Variants in TYW1B observed in about 807,000 individuals in gnomAD.
TYW1B encodes the protein S-adenosyl-L-methionine-dependent tRNA 4-demethylwyosine synthase TYW1B.
A neutral mutation model predicts 86.9 loss-of-function variants in TYW1B; 73 were observed. The ratio of observed to expected loss-of-function variants is 0.84; its 90% CI spans 0.70 to 1.02. TYW1B has a LOEUF of 1.02. TYW1B is among the 50% of genes least tolerant of loss of function. The probability of loss-of-function intolerance (pLI) is 0.00; values close to 1 mark genes in which losing one functional copy is unlikely to be tolerated. For synonymous variants in TYW1B, 248 were observed against 292.8 expected, an observed-to-expected ratio of 0.85 and a Z score of 1.56; for missense variants, 637 against 827.4, an observed-to-expected ratio of 0.77 and a Z score of 2.82.
At chr7:72,827,778 G>A (rs1586015840) in intron 1 of TYW1B, among the ~76,000 whole-genome samples, 1 of 152,050 alleles carries the variant, frequency 6.6e-6, no homozygotes, top group African/African-American at 2.4e-5. Flanking sequence ...CAACCTGGCA[G>A]CAATTTCAAA....
intron 4 of TYW1B, among the ~76,000 whole-genome samples, chr7:72,809,075 C>A: frequency 6.8e-6 from 1 of 146,264 alleles, no homozygotes. Flanking sequence ...TGGAGTCTCA[C>A]TCTGTCGCCC....
chr7:72,674,050 A>G (rs1554446871), intron 11 of TYW1B, among the ~76,000 whole-genome samples: 1 of 152,102 alleles, frequency 6.6e-6, no homozygotes, highest in East Asian at 1.9e-4. Context: ...CCCTGTGGGC[A>G]TCATACAGAT....
chr7:72,611,228 T>C (rs1393127076), intron 13 of TYW1B, among the ~76,000 whole-genome samples: 8 of 152,226 alleles, frequency 5.3e-5, no homozygotes, highest in Admixed American at 5.2e-4. Context: ...CATTCCATTC[T>C]TCCATCATAG....
chr7:72,748,929 A>C (rs4103729), intron 7 of TYW1B, among the ~76,000 whole-genome samples: 103,317 of 150,268 alleles, frequency 0.69, 36,456 homozygotes, highest in Non-Finnish European at 0.77. Flanking sequence ...TATCAGGTTA[A>C]TATTGGCCTC....
At chr7:72,580,358 C>T (rs782427607) in intron 13 of TYW1B, among the ~76,000 whole-genome samples, 1 of 152,140 alleles carries the variant, frequency 6.6e-6, no homozygotes, top group Non-Finnish European at 1.5e-5. Context: ...AACCCCAAAT[C>T]GTAAAATCTG....
rs1812512584 is a variant in TYW1B, at chr7:72,632,285, G to GTATATATGTATATATATATATTATA, written c.1507-3289_1507-3288insTATAATATATATATATACATATATA. ...AAAAAATATATATATATATATACGTGTATATATATATATACGTGTATATAT... is the reference window on the plus strand; with the variant it reads ...AAAAAATATATATATATATATACGTGTATATATGTATATATATATATTATATATATATATATATACGTGTATATAT... On this transcript the variant is annotated intron_variant, in intron 11 of 13. Transcript: ENST00000620995. 3.5e-4 allele frequency among the ~76,000 whole-genome samples: 29 copies of GTATATATGTATATATATATATTATA among 83,546 alleles called. 1 individual carries two copies. Among genetic ancestry groups the GTATATATGTATATATATATATTATA allele is most frequent in the African/African-American group, 1.9e-3 (26 of 13,838 alleles). 54.8% of individuals were successfully genotyped at this position (83,546 alleles called of 152,430 possible).
At chr7:72,718,136 T>C (rs1429369379) in intron 9 of TYW1B, among the ~76,000 whole-genome samples, 2 of 152,150 alleles carry the variant, frequency 1.3e-5, no homozygotes, top group East Asian at 3.9e-4. Context: ...TGGAATACTA[T>C]GCAGCCATAA....
chr7:72,631,783 T>C (rs1554439816), intron 11 of TYW1B, among the ~76,000 whole-genome samples: 1 of 152,018 alleles, frequency 6.6e-6, no homozygotes, highest in African/African-American at 2.4e-5. Flanking sequence ...GATACAGTAG[T>C]GAGTTAAATG....
chr7:72,589,325 A>G (rs782349232), intron 13 of TYW1B, among the ~76,000 whole-genome samples: 1 of 152,246 alleles, frequency 6.6e-6, no homozygotes, highest in Non-Finnish European at 1.5e-5. Flanking sequence ...GTGATGAAAG[A>G]CACTAGAAGA....
chr7:72,688,413 A>G (rs1334252690), intron 11 of TYW1B, among the ~76,000 whole-genome samples: 9 of 152,242 alleles, frequency 5.9e-5, no homozygotes, highest in Non-Finnish European at 1.2e-4. Context: ...ACACTGCACC[A>G]TACTTTCTTT....
intron 11 of TYW1B, among the ~76,000 whole-genome samples, chr7:72,646,873 TTGAG>T (rs1384772056): frequency 2.6e-5 from 4 of 151,856 alleles, no homozygotes; most frequent in Non-Finnish European, 5.9e-5. Flanking sequence ...CTCTCTCCTC[TTGAG>T]TATTATAAAA....
At chr7:72,681,126 AG>A (rs1164169385) in intron 11 of TYW1B, among the ~76,000 whole-genome samples, 1 of 152,204 alleles carries the variant, frequency 6.6e-6, no homozygotes, top group Admixed American at 6.6e-5. Flanking sequence ...TGGCAGAGCC[AG>A]TATCCAAACC....
chr7:72,825,526 A>G (rs1788914606), intron 2 of TYW1B, among the ~76,000 whole-genome samples: 1 of 152,054 alleles, frequency 6.6e-6, no homozygotes, highest in Non-Finnish European at 1.5e-5. Context: ...TAAAAATACA[A>G]AGATTAGCCA....
intron 11 of TYW1B, among the ~76,000 whole-genome samples, chr7:72,668,773 GC>G (rs1383339458): frequency 6.6e-6 from 1 of 152,148 alleles, no homozygotes; most frequent in Non-Finnish European, 1.5e-5. Flanking sequence ...TTAAGTTTAT[GC>G]CAGATGAATA....
intron 10 of TYW1B, among the ~76,000 whole-genome samples, chr7:72,702,018 G>T: frequency 6.6e-6 from 1 of 152,216 alleles, no homozygotes; most frequent in Non-Finnish European, 1.5e-5. Flanking sequence ...TGGGGTTGGA[G>T]ATTCCCAGGA....
At chr7:72,708,990 G>C (rs552121142) in intron 10 of TYW1B, among the ~76,000 whole-genome samples, 14 of 152,162 alleles carry the variant, frequency 9.2e-5, no homozygotes, top group Admixed American at 3.9e-4. Flanking sequence ...GGGCTAGGAG[G>C]GTTGTCTTAT....
chr7:72,738,159 C>A (rs1787233969), intron 8 of TYW1B, among the ~76,000 whole-genome samples: 2 of 150,160 alleles, frequency 1.3e-5, no homozygotes, highest in South Asian at 4.2e-4. Flanking sequence ...CAGCTCACTG[C>A]AACCTCCACC....
At chr7:72,661,386 G>A (rs1813327156) in intron 11 of TYW1B, among the ~76,000 whole-genome samples, 1 of 151,820 alleles carries the variant, frequency 6.6e-6, no homozygotes, top group Non-Finnish European at 1.5e-5. Context: ...AAAGTCAACA[G>A]CTCAGTCATG....
chr7:72,822,330 A>G (rs1168575547), intron 2 of TYW1B, among the ~76,000 whole-genome samples: 1 of 152,148 alleles, frequency 6.6e-6, no homozygotes, highest in East Asian at 1.9e-4. Context: ...AAATTCATCC[A>G]AGAAATATTA....
Sources: allele counts gnomAD v4.1 joint callset (sites outside exome capture counted in the v4.1 genomes callset), GRCh38; gene constraint gnomAD v4.1.1; transcripts MANE v1.5; gene names NCBI Gene and HGNC (gene_info 2026-07-23, HGNC 2026-07-21).